The following CYP19A1 variants were observed in gnomAD, a reference collection of about 807,000 sequenced individuals.
The protein encoded by CYP19A1 is cytochrome P450 family 19 subfamily A member 1, also known as aromatase.
Under a neutral mutation model 44.4 loss-of-function variants are expected in CYP19A1, and 32 were observed. The observed-to-expected ratio is 0.72, with a 90% CI of 0.54 to 0.97. The LOEUF (loss-of-function observed/expected upper bound fraction) is 0.97, where lower values mean the gene tolerates loss of function less well. Ranked by LOEUF, CYP19A1 falls within the 50% of genes least tolerant of loss-of-function variation. The pLI is 0.00. For missense variants in CYP19A1, 598 were observed against 637.8 expected, an observed-to-expected ratio of 0.94 and a Z score of 0.67; for synonymous variants, 212 against 215.6, an observed-to-expected ratio of 0.98 and a Z score of 0.14.
intron 6 of CYP19A1, among the ~76,000 whole-genome samples, chr15:51,216,600 A>C (rs1421673608): frequency 1.3e-5 from 2 of 152,168 alleles, no homozygotes; most frequent in African/African-American, 4.8e-5. Flanking sequence ...GTTGAGTTTG[A>C]GATTCCTGTT....
chr15:51,270,283 A>T (rs1482002595), intron 1 of CYP19A1, among the ~76,000 whole-genome samples: 1 of 152,068 alleles, frequency 6.6e-6, no homozygotes, highest in African/African-American at 2.4e-5. Flanking sequence ...TTTGTATGCT[A>T]ACCTTGTATC....
chr15:51,282,758 A>C (rs538572774), intron 1 of CYP19A1, among the ~76,000 whole-genome samples: 44 of 152,364 alleles, frequency 2.9e-4, no homozygotes, highest in African/African-American at 9.6e-4. Flanking sequence ...AAAGCAGGGG[A>C]TGCATTGTCA....
chr15:51,213,693 A>T (rs1406854309), intron 8 of CYP19A1, among the ~76,000 whole-genome samples: 1 of 152,200 alleles, frequency 6.6e-6, no homozygotes, highest in African/African-American at 2.4e-5. Flanking sequence ...TGTCAGGGGA[A>T]CATTAACATG....
At chr15:51,215,963 T>C (rs1232791679) in intron 6 of CYP19A1, 146 bp from the exon 7 acceptor site, 11 of 1,436,134 alleles carry the variant, frequency 7.7e-6, no homozygotes, top group Middle Eastern at 2.1e-4. Flanking sequence ...ATTTTATTTC[T>C]TCATAAATAC....
intron 1 of CYP19A1, chr15:51,323,862 C>T (rs912084279): frequency 2.6e-5 from 4 of 152,230 alleles, no homozygotes; most frequent in Non-Finnish European, 5.9e-5. Flanking sequence ...TTTTTCCCCC[C>T]AAGAACACTC....
intron 1 of CYP19A1, among the ~76,000 whole-genome samples, chr15:51,258,838 A>T (rs953806415): frequency 1.3e-5 from 2 of 152,204 alleles, no homozygotes; most frequent in Non-Finnish European, 2.9e-5. Context: ...AATCTGATTT[A>T]TTTAATTTGA....
intron 1 of CYP19A1, among the ~76,000 whole-genome samples, chr15:51,331,185 A>G (rs1386253790): frequency 6.6e-6 from 1 of 152,176 alleles, no homozygotes; most frequent in Non-Finnish European, 1.5e-5. Context: ...TGACATTGGA[A>G]ATGGTAACAT....
At chr15:51,256,687 C>T (rs1420789015) in intron 1 of CYP19A1, among the ~76,000 whole-genome samples, 1 of 152,198 alleles carries the variant, frequency 6.6e-6, no homozygotes, top group African/African-American at 2.4e-5. Context: ...GAAGTAGCAC[C>T]TGCCTCCCAA....
chr15:51,325,968 C>G (rs192832551), intron 1 of CYP19A1, among the ~76,000 whole-genome samples: 17 of 152,044 alleles, frequency 1.1e-4, no homozygotes, highest in African/African-American at 4.1e-4. Flanking sequence ...AAAATCAAAG[C>G]CCATTTTATA....
rs1275171739 is a variant in CYP19A1, at chr15:51,242,803, A to G, written c.110T>C (p.Leu37Ser). Reference sequence around the variant, plus strand: ...GGATGTGCCCTCATAATTCCACACCAAGAGAAAAAGGCCAGTGAGGAGCAG... The same window carrying G: ...GGATGTGCCCTCATAATTCCACACCGAGAGAAAAAGGCCAGTGAGGAGCAG... ...PVLLLTGLFL[L>S]VWNYEGTSSI... The change falls in exon 2 of 10, where the codon TTG (leucine) becomes TCG (serine). Residue 37 changes from leucine to serine, a missense_variant. By Grantham distance (145) the Leu-to-Ser change is moderately radical. Transcript: ENST00000396402. 2 of 1,584,842 alleles carry G rather than the reference A, an allele frequency of 1.3e-6. No individual in the cohort carries two copies. Among genetic ancestry groups the G allele is most frequent in the Non-Finnish European group, 1.7e-6 (2 of 1,153,316 alleles).
At chr15:51,315,786 G>T (rs532471868) in intron 1 of CYP19A1, 30 of 152,302 alleles carry the variant, frequency 2.0e-4, no homozygotes, top group African/African-American at 7.0e-4. Context: ...TAGCAAAAAG[G>T]CCTCGTTATT....
At chr15:51,271,933 G>A (rs904004533) in intron 1 of CYP19A1, among the ~76,000 whole-genome samples, 9 of 152,304 alleles carry the variant, frequency 5.9e-5, no homozygotes, top group Admixed American at 3.3e-4. Context: ...CCAGTTCTTC[G>A]TTATCTGTTC....
chr15:51,283,084 T>A (rs1183956529), intron 1 of CYP19A1, among the ~76,000 whole-genome samples: 1 of 152,008 alleles, frequency 6.6e-6, no homozygotes, highest in East Asian at 1.9e-4. Flanking sequence ...ATGTGAGTGA[T>A]AATAAAGGCA....
chr15:51,324,053 G>A (rs932860601), intron 1 of CYP19A1: 2 of 152,160 alleles, frequency 1.3e-5, no homozygotes, highest in African/African-American at 4.8e-5. Context: ...CCAAAAACAT[G>A]TCCCTTCTGA....
Position 51,227,759 on chromosome 15 carries a change from C to T in CYP19A1, c.451+20G>A. On this transcript the variant is annotated intron_variant, in intron 4 of 9. Coordinates refer to ENST00000396402, the MANE Select transcript of CYP19A1 (RefSeq NM_000103.4). ...CATTCATAGACAAAAAAGATTGTAG[C>T]TAACTAAGTACCTGCTTACCTTTCA... is the stretch of plus-strand genomic sequence containing the variant. 8.5e-7 allele frequency: 1 copy of T among 1,170,920 alleles called. No individual in the cohort carries two copies. The highest frequency in any genetic ancestry group is 1.2e-5 in the South Asian group (1 of 81,328). 72.5% of individuals were successfully genotyped at this position (1,170,920 alleles called of 1,614,324 possible).
intron 1 of CYP19A1, among the ~76,000 whole-genome samples, chr15:51,320,056 C>G (rs2036500261): frequency 1.3e-5 from 2 of 152,252 alleles, no homozygotes; most frequent in African/African-American, 4.8e-5. Context: ...TCATCCCCTC[C>G]TTTCACAGAT....
At chr15:51,310,355 C>T (rs892512850) in intron 1 of CYP19A1, among the ~76,000 whole-genome samples, 7 of 152,306 alleles carry the variant, frequency 4.6e-5, no homozygotes, top group African/African-American at 1.7e-4. Flanking sequence ...CTGGCTTTGG[C>T]CCAAGGGTGA....
intron 1 of CYP19A1, among the ~76,000 whole-genome samples, chr15:51,265,103 A>G (rs2034868647): frequency 6.6e-6 from 1 of 152,172 alleles, no homozygotes; most frequent in African/African-American, 2.4e-5. Context: ...CCTGCGCTCC[A>G]TGCAGCTCTA....
At chr15:51,220,916 A>G (rs946806687) in intron 5 of CYP19A1, among the ~76,000 whole-genome samples, 3 of 150,828 alleles carry the variant, frequency 2.0e-5, no homozygotes, top group African/African-American at 4.9e-5. Context: ...TCTGGTAACC[A>G]CCAAACTACT....
Sources: gnomAD v4.1 joint callset for allele counts (sites outside exome capture counted in the v4.1 genomes callset) on GRCh38, gnomAD v4.1.1 for gene constraint, MANE v1.5 for transcripts, NCBI Gene and HGNC (gene_info 2026-07-23, HGNC 2026-07-21) for gene names.